The following NAV3 variants were observed in gnomAD, a reference collection of about 807,000 sequenced individuals.
NAV3 encodes neuron navigator 3.
A neutral mutation model predicts 244.7 loss-of-function variants in NAV3; 87 were observed. That is an observed-to-expected ratio of 0.36 (90% confidence interval 0.30 to 0.42). The LOEUF (loss-of-function observed/expected upper bound fraction) is 0.42. NAV3 is among the 20% of genes least tolerant of loss of function. NAV3 has a pLI of 1.00. For synonymous variants in NAV3, 1,126 were observed against 1,042.2 expected, an observed-to-expected ratio of 1.08 and a Z score of -1.55; for missense variants, 2,663 against 2,893.3, an observed-to-expected ratio of 0.92 and a Z score of 1.83.
intron 2 of NAV3, among the ~76,000 whole-genome samples, chr12:77,681,334 G>A (rs1044061662): frequency 6.6e-6 from 1 of 152,144 alleles, no homozygotes; most frequent in Non-Finnish European, 1.5e-5. Context: ...TGTTAAATAT[G>A]CCAAATCTTT....
chr12:77,639,441 A>G (rs1872298463), intron 2 of NAV3, among the ~76,000 whole-genome samples: 1 of 152,170 alleles, frequency 6.6e-6, no homozygotes, highest in African/African-American at 2.4e-5. Context: ...GAGACATTAT[A>G]TACTCACTGG....
intron 19 of NAV3, among the ~76,000 whole-genome samples, chr12:78,137,740 T>G (rs1451686076): frequency 6.6e-6 from 1 of 152,168 alleles, no homozygotes; most frequent in Non-Finnish European, 1.5e-5. Context: ...TTTATGAAAA[T>G]ACCACATGTT....
chr12:77,857,616 G>C (rs1364666717), intron 1 of NAV3, among the ~76,000 whole-genome samples: 1 of 151,374 alleles, frequency 6.6e-6, no homozygotes, highest in Non-Finnish European at 1.5e-5. Flanking sequence ...ACCATTATCT[G>C]TAATTATATA....
At chr12:77,889,468 G>A (rs1282197301) in intron 1 of NAV3, among the ~76,000 whole-genome samples, 1 of 152,110 alleles carries the variant, frequency 6.6e-6, no homozygotes, top group African/African-American at 2.4e-5. Context: ...CAAACCATGA[G>A]TAATATAGGT....
In NAV3 at chr12:78,205,094, A is replaced by G. The variant is rs754473806; in HGVS notation, c.6994A>G (p.Thr2332Ala). 14 of 1,613,368 alleles carry G rather than the reference A, an allele frequency of 8.7e-6. No individual in the cohort carries two copies. In the South Asian group the frequency reaches 8.8e-5, roughly 10 times the overall value. The stretch of plus-strand genomic sequence containing the variant: ...CTGCACATCCACTAAGGAAGCCACA[A>G]CCTCAAAGCACATTCCGCAAACTGA... ...ESCTSTKEAT[T>A]SKHIPQTDTE... The change falls in exon 39 of 40, where the codon ACC (threonine) becomes GCC (alanine). Residue 2332 changes from threonine (T) to alanine (A), a missense_variant. Coordinates refer to ENST00000397909, the MANE Select transcript of NAV3 (RefSeq NM_001024383.2).
chr12:77,916,232 TAACAA>T (rs1467540010), intron 1 of NAV3, among the ~76,000 whole-genome samples: 1 of 151,974 alleles, frequency 6.6e-6, no homozygotes, highest in East Asian at 1.9e-4. Context: ...ATGTTTTAAA[TAACAA>T]AACAAAAGGA....
At chr12:77,643,938 G>T (rs1358815922) in intron 2 of NAV3, among the ~76,000 whole-genome samples, 1 of 152,030 alleles carries the variant, frequency 6.6e-6, no homozygotes, top group Non-Finnish European at 1.5e-5. Context: ...CAAGTCACAT[G>T]AACTTGAAAA....
chr12:77,848,885 A>G (rs1031599068), intron 1 of NAV3, among the ~76,000 whole-genome samples: 4 of 152,208 alleles, frequency 2.6e-5, no homozygotes, highest in Non-Finnish European at 5.9e-5. Flanking sequence ...AAAAAAATCA[A>G]TATTTTCAAT....
chr12:78,154,314 T>TA lies in NAV3; in HGVS notation c.4786-4888dup, dbSNP rs1491090016. 3.8e-3 allele frequency among the ~76,000 whole-genome samples: 505 copies of TA among 131,682 alleles called. 3 individuals carry two copies. Among genetic ancestry groups the TA allele is most frequent in the Non-Finnish European group, 6.4e-3 (400 of 62,248 alleles). The allele number at this position is 131,682 out of a possible 152,430, so 86.4% of individuals were successfully genotyped here. A position where few individuals can be genotyped will look rare whatever the true frequency, so the allele number is the denominator to read the frequency against. On this transcript the variant is annotated intron_variant, in intron 22 of 39. Coordinates refer to ENST00000397909, the MANE Select transcript of NAV3 (RefSeq NM_001024383.2). ...CTATATATTACTATATAATATATAG[T>TA]ATATATATAGTATATATTATATAGT...
At chr12:77,920,483 C>G (rs1280953444) in intron 1 of NAV3, among the ~76,000 whole-genome samples, 2 of 151,884 alleles carry the variant, frequency 1.3e-5, no homozygotes, top group African/African-American at 4.8e-5. Flanking sequence ...CCTATCTGAC[C>G]TTTTTACTTA....
intron 2 of NAV3, among the ~76,000 whole-genome samples, chr12:77,636,279 A>G (rs1872149414): frequency 6.6e-6 from 1 of 152,024 alleles, no homozygotes; most frequent in South Asian, 2.1e-4. Context: ...ATCCTGGCTA[A>G]CATAGCAAAA....
chr12:78,077,746 TGAC>T (rs1953124427), intron 12 of NAV3, among the ~76,000 whole-genome samples: 1 of 152,188 alleles, frequency 6.6e-6, no homozygotes, highest in African/African-American at 2.4e-5. Flanking sequence ...GAGACCAGCC[TGAC>T]CAACATGGTG....
At chr12:77,777,892 G>A (rs920096648) in intron 2 of NAV3, among the ~76,000 whole-genome samples, 2 of 150,788 alleles carry the variant, frequency 1.3e-5, no homozygotes, top group Admixed American at 1.3e-4. Flanking sequence ...TGCAACCTCC[G>A]CCTCCCAGGT....
chr12:77,689,488 T>G (rs553761362), intron 2 of NAV3, among the ~76,000 whole-genome samples: 2 of 151,950 alleles, frequency 1.3e-5, no homozygotes, highest in Non-Finnish European at 2.9e-5. Flanking sequence ...CAGTGGCTTT[T>G]ATGTTGGATG....
At chr12:78,154,189 CTATATT>C (rs1957186594) in intron 22 of NAV3, among the ~76,000 whole-genome samples, 2 of 120,898 alleles carry the variant, frequency 1.7e-5, no homozygotes, top group Admixed American at 1.9e-4. Flanking sequence ...ATATAAAATA[CTATATT>C]ATATATACTC....
chr12:77,719,685 A>G (rs1470618391), intron 2 of NAV3, among the ~76,000 whole-genome samples: 2 of 151,948 alleles, frequency 1.3e-5, no homozygotes, highest in Non-Finnish European at 2.9e-5. Context: ...ATGTTGTTAA[A>G]TTCAGTTTGC....
chr12:78,119,759 G>T lies in NAV3; in HGVS notation c.3563G>T (p.Arg1188Leu). The T allele has an allele frequency of 6.2e-7, 1 of 1,614,006 alleles. No homozygotes were observed. The highest frequency in any genetic ancestry group is 8.5e-7 in the Non-Finnish European group (1 of 1,180,004). ...GAACCAACTAAAATTGGGTCAGGGCGCTCGAGTCCTGTCACCGTCAACCAA... is the reference window on the plus strand; with the variant it reads ...GAACCAACTAAAATTGGGTCAGGGCTCTCGAGTCCTGTCACCGTCAACCAA... The part of the protein sequence containing the change: ...LREPTKIGSG[R>L]SSPVTVNQTD... Residue 1188 changes from arginine (R) to leucine (L), a missense_variant, in exon 15 of 40, where the codon CGC becomes CTC. Around this residue, in one of 6 missense-constraint regions of NAV3, gnomAD observed 1,521 missense variants for 1,497.0 expected, o/e 1.02. Coordinates refer to ENST00000397909, the MANE Select transcript of NAV3 (RefSeq NM_001024383.2).
intron 2 of NAV3, among the ~76,000 whole-genome samples, chr12:77,642,264 G>C (rs1188634484): frequency 2.6e-5 from 4 of 152,092 alleles, no homozygotes; most frequent in African/African-American, 9.7e-5. Flanking sequence ...CAAGAGCTCA[G>C]TGTTTTAAAA....
At chr12:78,158,064 A>T (rs1462494134) in intron 22 of NAV3, among the ~76,000 whole-genome samples, 1 of 152,074 alleles carries the variant, frequency 6.6e-6, no homozygotes, top group Admixed American at 6.6e-5. Context: ...AATAAGCTTT[A>T]ATTCTTTGTA....
Sources: gnomAD v4.1 joint callset for allele counts (sites outside exome capture counted in the v4.1 genomes callset) on GRCh38, gnomAD v4.1.1 for gene constraint, gnomAD v4.1.1 regional missense constraint, MANE v1.5 for transcripts, NCBI Gene and HGNC (gene_info 2026-07-23, HGNC 2026-07-21) for gene names.